Variants in GNAQ observed in about 807,000 individuals in gnomAD.
GNAQ encodes the protein guanine nucleotide-binding protein G(q) subunit alpha.
A neutral mutation model predicts 43.9 loss-of-function variants in GNAQ; 8 were observed. The ratio of observed to expected loss-of-function variants is 0.18; its 90% CI spans 0.11 to 0.33. GNAQ has a LOEUF of 0.33. Among genes scored for constraint, GNAQ ranks in the 10% least tolerant of loss-of-function variants. GNAQ has a pLI of 1.00. For synonymous variants in GNAQ, 155 were observed against 170.7 expected (o/e 0.91, Z 0.71); for missense variants, 158 against 450.8 (o/e 0.35, Z 5.88).
At chr9:77,785,590 C>A (rs939350670) in intron 5 of GNAQ, among the ~76,000 whole-genome samples, 1 of 152,120 alleles carries the variant, frequency 6.6e-6, no homozygotes, top group African/African-American at 2.4e-5. Flanking sequence ...CACTTTGTGA[C>A]AATTCATCAA....
intron 1 of GNAQ, among the ~76,000 whole-genome samples, chr9:77,984,145 G>A (rs75525464): frequency 2.7e-5 from 4 of 146,286 alleles, no homozygotes; most frequent in Non-Finnish European, 6.0e-5. Context: ...TTTAGTTGAA[G>A]TACGTAGATT....
chr9:77,775,368 C>T (rs1201080864), intron 5 of GNAQ, among the ~76,000 whole-genome samples: 1 of 151,126 alleles, frequency 6.6e-6, no homozygotes. Context: ...ATTTATCCTC[C>T]TATTAACAGT....
chr9:77,955,524 T>A (rs1255314892), intron 1 of GNAQ, among the ~76,000 whole-genome samples: 1 of 152,224 alleles, frequency 6.6e-6, no homozygotes, highest in African/African-American at 2.4e-5. Context: ...TACATAACGC[T>A]ATACTTTGTG....
intron 2 of GNAQ, among the ~76,000 whole-genome samples, chr9:77,921,896 T>TA (rs1829001893): frequency 6.6e-6 from 1 of 152,230 alleles, no homozygotes; most frequent in Admixed American, 6.5e-5. Flanking sequence ...AAAATATTTA[T>TA]TGCTGAACAT....
chr9:78,006,414 C>T (rs1385076622), intron 1 of GNAQ, among the ~76,000 whole-genome samples: 1 of 152,164 alleles, frequency 6.6e-6, no homozygotes, highest in Non-Finnish European at 1.5e-5. Flanking sequence ...CTTGTACACA[C>T]ATACCAAAAA....
chr9:77,832,846 G>T (rs1432454057), intron 2 of GNAQ, among the ~76,000 whole-genome samples: 2 of 152,186 alleles, frequency 1.3e-5, no homozygotes, highest in Non-Finnish European at 2.9e-5. Context: ...ACCCCCAGCT[G>T]TAGGCCACTG....
At chr9:77,733,948 C>T (rs1245599313) in intron 5 of GNAQ, among the ~76,000 whole-genome samples, 2 of 152,230 alleles carry the variant, frequency 1.3e-5, no homozygotes, top group Non-Finnish European at 1.5e-5. Context: ...AAGGAGAAGG[C>T]TGGATCCAGT....
intron 2 of GNAQ, among the ~76,000 whole-genome samples, chr9:77,861,462 GTCTCA>G (rs1482953661): frequency 6.6e-6 from 1 of 152,100 alleles, no homozygotes; most frequent in African/African-American, 2.4e-5. Context: ...ACAGTCCAAA[GTCTCA>G]TCTGAGAGAA....
intron 4 of GNAQ, among the ~76,000 whole-genome samples, chr9:77,796,294 G>A (rs1032414315): frequency 4.6e-5 from 7 of 152,146 alleles, no homozygotes; most frequent in African/African-American, 1.7e-4. Flanking sequence ...AGGAATGAAG[G>A]TGGGCCTGCT....
At chr9:77,946,607 C>G (rs1413069324) in intron 1 of GNAQ, among the ~76,000 whole-genome samples, 1 of 152,130 alleles carries the variant, frequency 6.6e-6, no homozygotes, top group Non-Finnish European at 1.5e-5. Flanking sequence ...CCAGTCTCTT[C>G]AAATAGGCAA....
chr9:77,928,092 A>G (rs991561524), intron 1 of GNAQ, among the ~76,000 whole-genome samples: 1 of 152,238 alleles, frequency 6.6e-6, no homozygotes, highest in Non-Finnish European at 1.5e-5. Flanking sequence ...CCACACCTGC[A>G]AAGAAAAAAG....
intron 1 of GNAQ, among the ~76,000 whole-genome samples, chr9:78,029,376 TC>T (rs1824021037): frequency 3.3e-5 from 5 of 152,166 alleles, no homozygotes; most frequent in African/African-American, 4.8e-5. Flanking sequence ...CACTCTTATT[TC>T]TTTTGTTCTT....
At chr9:77,978,386 C>T (rs1425434643) in intron 1 of GNAQ, among the ~76,000 whole-genome samples, 2 of 152,204 alleles carry the variant, frequency 1.3e-5, no homozygotes, top group Non-Finnish European at 2.9e-5. Context: ...TTCTCTACAT[C>T]CCACCATGTA....
intron 5 of GNAQ, among the ~76,000 whole-genome samples, chr9:77,729,482 C>T (rs1047508562): frequency 6.6e-6 from 1 of 152,082 alleles, no homozygotes; most frequent in South Asian, 2.1e-4. Context: ...TGAGGCTGTT[C>T]CTGAGTTAAA....
intron 6 of GNAQ, 46 bp from the exon 7 acceptor site, chr9:77,721,559 A>C: frequency 9.2e-7 from 1 of 1,090,214 alleles, no homozygotes. Flanking sequence ...CTAATCTGCT[A>C]ATGTATTCAA....
chr9:77,751,764 C>T (rs1466233792), intron 5 of GNAQ, among the ~76,000 whole-genome samples: 3 of 151,878 alleles, frequency 2.0e-5, no homozygotes, highest in Non-Finnish European at 4.4e-5. Context: ...AACTAGGAAA[C>T]GAGGCAAGGA....
chr9:77,878,075 C>G (rs1309541076), intron 2 of GNAQ, among the ~76,000 whole-genome samples: 4 of 152,176 alleles, frequency 2.6e-5, no homozygotes, highest in African/African-American at 9.7e-5. Context: ...CTGCTGGCAA[C>G]TGGCAGAGTT....
At chr9:77,782,769 A>G (rs528868756) in intron 5 of GNAQ, among the ~76,000 whole-genome samples, 1 of 152,370 alleles carries the variant, frequency 6.6e-6, no homozygotes, top group South Asian at 2.1e-4. Context: ...AAGTGAATGG[A>G]TAAATTGTAT....
chr9:77,868,709 C>T (rs1827987931), intron 2 of GNAQ, among the ~76,000 whole-genome samples: 1 of 152,130 alleles, frequency 6.6e-6, no homozygotes, highest in Non-Finnish European at 1.5e-5. Context: ...GCAGGAGGAT[C>T]ACTTGAACCC....
Sources: allele counts gnomAD v4.1 joint callset (sites outside exome capture counted in the v4.1 genomes callset), GRCh38; gene constraint gnomAD v4.1.1; transcripts MANE v1.5; gene names NCBI Gene and HGNC (gene_info 2026-07-23, HGNC 2026-07-21).